PCDHB1: variants seen among roughly 807,000 people sequenced by gnomAD.
PCDHB1 encodes the protein protocadherin beta-1.
PCDHB1 carries 44 observed loss-of-function variants against 43.5 expected under a neutral mutation model. The observed-to-expected ratio is 1.01, with a 90% CI of 0.79 to 1.30. The LOEUF is 1.30. Among genes scored for constraint, PCDHB1 ranks in the 50% most tolerant of loss-of-function variants. The probability of loss-of-function intolerance (pLI) is 0.00; values close to 1 mark genes in which losing one functional copy is unlikely to be tolerated. For missense variants in PCDHB1, 919 were observed against 1,008.9 expected (o/e 0.91, Z 1.21); for synonymous variants, 392 against 400.8 (o/e 0.98, Z 0.26).
rs1751083894 is a variant in PCDHB1 at position 141,054,660 on chromosome 5, T to C, written c.*733T>C. 6.7e-6 allele frequency: 1 copy of C among 149,628 alleles called. No individual in the cohort carries two copies. Among genetic ancestry groups the C allele is most frequent in the African/African-American group, 2.4e-5 (1 of 40,896 alleles). The allele number at this position is 149,628 out of a possible 1,614,324, so 9.3% of individuals were successfully genotyped here. On this transcript the variant is annotated 3_prime_UTR_variant, in exon 1 of 1. Transcript: ENST00000306549. ...AAAGAGATTCAGTTTAGGAATGTTC[T>C]CCAAAATTAAATTAGATGTAGTTGT... is the stretch of plus-strand genomic sequence containing the variant.
rs1269181995 is a variant in PCDHB1 at position 141,055,841 on chromosome 5, A to C, written c.*1914A>C. On this transcript the variant is annotated 3_prime_UTR_variant, in exon 1 of 1. Coordinates refer to ENST00000306549, the MANE Select transcript of PCDHB1 (RefSeq NM_013340.4). ...AGCCCTCTCATTCTAAAATAAGCCAATGTTAAAACATTAACATATTTCAGG... is the reference window on the plus strand; with the variant it reads ...AGCCCTCTCATTCTAAAATAAGCCACTGTTAAAACATTAACATATTTCAGG... 3 of 152,244 alleles carry C rather than the reference A, an allele frequency of 2.0e-5. No homozygotes were observed. Among genetic ancestry groups the C allele is most frequent in the African/African-American group, 7.2e-5 (3 of 41,466 alleles). 9.4% of individuals were successfully genotyped at this position (152,244 alleles called of 1,614,324 possible). A position where few individuals can be genotyped will look rare whatever the true frequency, so the allele number is the denominator to read the frequency against.
Position 141,055,652 on chromosome 5 carries a change from AG to A in PCDHB1, c.*1726del, listed in dbSNP as rs1241227000. On this transcript the variant is annotated 3_prime_UTR_variant, in exon 1 of 1. Coordinates refer to ENST00000306549, the MANE Select transcript of PCDHB1 (RefSeq NM_013340.4). ...GAAAGACACATTTTCAGGTAGTACT[AG>A]ATTTGATTGTAAGCCATTTTCCTCT... 6.6e-6 allele frequency: 1 copy of A among 152,230 alleles called. No individual in the cohort carries two copies. Among genetic ancestry groups the A allele is most frequent in the African/African-American group, 2.4e-5 (1 of 41,462 alleles). The allele number at this position is 152,230 out of a possible 1,614,324, so 9.4% of individuals were successfully genotyped here. A position where few individuals can be genotyped will look rare whatever the true frequency, so the allele number is the denominator to read the frequency against.
At position 141,052,533 on chromosome 5, in the gene PCDHB1, C is replaced by T; in HGVS notation, c.1063C>T (p.Pro355Ser). ...PEVMVSSVSS[P>S]LPEDSPPQTV... ...AGTGATGGTCTCCTCTGTGTCCAGCCCACTCCCTGAAGACTCACCACCACA... is the reference window on the plus strand; with the variant it reads ...AGTGATGGTCTCCTCTGTGTCCAGCTCACTCCCTGAAGACTCACCACCACA... Residue 355 changes from proline (P) to serine (S), a missense_variant, in exon 1 of 1, where the codon CCA becomes TCA. Pro to Ser is a moderately conservative substitution (Grantham distance 74). Transcript: ENST00000306549. 6.2e-7 allele frequency: 1 copy of T among 1,614,076 alleles called. No homozygotes were observed. Among genetic ancestry groups the T allele is most frequent in the Non-Finnish European group, 8.5e-7 (1 of 1,180,004 alleles).
At position 141,052,471 on chromosome 5, in the gene PCDHB1, T is replaced by C. The variant is rs1751010563; in HGVS notation, c.1001T>C (p.Leu334Pro). 1 of 1,614,074 alleles carries C rather than the reference T, an allele frequency of 6.2e-7. No individual in the cohort carries two copies. Among genetic ancestry groups the C allele is most frequent in the South Asian group, 1.1e-5 (1 of 91,078 alleles). ...GGCCTCTCTGCCCACAGCAAAGTCC[T>C]GGTAGAAGTGGTGGATGTGAATGAC... ...GGGLSAHSKVLVEVVDVNDNP... is the reference protein window; with the variant it reads ...GGGLSAHSKVPVEVVDVNDNP... Residue 334 changes from leucine to proline, a missense_variant, in exon 1 of 1, where the codon CTG becomes CCG. By Grantham distance (98) the Leu-to-Pro change is moderately conservative. Transcript: ENST00000306549.
chr5:141,057,986 G>A lies in PCDHB1; in HGVS notation c.*4059G>A, dbSNP rs1751168623. ...CTTGAAAAGTGTCTTGTACAAAAAG[G>A]CTTTTTATTAGGAAATAATTCTAGA... On this transcript the variant is annotated 3_prime_UTR_variant, in exon 1 of 1. Transcript: ENST00000306549. The A allele has an allele frequency of 6.6e-6, 1 of 152,084 alleles. No homozygotes were observed. Among genetic ancestry groups the A allele is most frequent in the South Asian group, 2.1e-4 (1 of 4,812 alleles). 9.4% of individuals were successfully genotyped at this position (152,084 alleles called of 1,614,324 possible).
chr5:141,052,862 C>T lies in PCDHB1; in HGVS notation c.1392C>T (p.Asn464=), dbSNP rs1376289632. Residue 464 remains asparagine, a synonymous_variant, in exon 1 of 1, where the codon AAC becomes AAT. Coordinates refer to ENST00000306549, the MANE Select transcript of PCDHB1 (RefSeq NM_013340.4). The stretch of plus-strand genomic sequence containing the variant: ...CCTATATCTTGACTGTTCGAGAAAA[C>T]AACAGTCCTGCGGTTTTTATTGGCA... ...EDSYILTVRE[N]NSPAVFIGKV... is the part of the protein sequence containing the mutation. 6.2e-7 allele frequency: 1 copy of T among 1,614,050 alleles called. No homozygotes were observed. The highest frequency in any genetic ancestry group is 1.7e-5 in the Admixed American group (1 of 59,994).
Position 141,056,865 on chromosome 5 carries a change from C to A in PCDHB1, c.*2938C>A, listed in dbSNP as rs1554267879. The A allele has an allele frequency of 6.6e-6, 1 of 152,196 alleles. No individual in the cohort carries two copies. The highest frequency in any genetic ancestry group is 6.5e-5 in the Admixed American group (1 of 15,274). 9.4% of individuals were successfully genotyped at this position (152,196 alleles called of 1,614,324 possible). A position where few individuals can be genotyped will look rare whatever the true frequency, so the allele number is the denominator to read the frequency against. The stretch of plus-strand genomic sequence containing the variant: ...CGAGCTCCTGATCTCAGGTGATCCA[C>A]CCGCCTTGGCCTCCCAAAGTGCTAG... On this transcript the variant is annotated 3_prime_UTR_variant, in exon 1 of 1. Coordinates refer to ENST00000306549, the MANE Select transcript of PCDHB1 (RefSeq NM_013340.4).
chr5:141,053,747 A>T lies in PCDHB1; in HGVS notation c.2277A>T (p.Ser759=). The change falls in exon 1 of 1, where the codon TCA becomes TCT. Residue 759 remains serine (S), a synonymous_variant. Coordinates refer to ENST00000306549, the MANE Select transcript of PCDHB1 (RefSeq NM_013340.4). Reference sequence around the variant, plus strand: ...GGCCTTGTCCATATGAAATGTGTTCAGCCACTGGCACTGGTAATAGTGAGT... The same window carrying T: ...GGCCTTGTCCATATGAAATGTGTTCTGCCACTGGCACTGGTAATAGTGAGT... ...LSRPCPYEMC[S]ATGTGNSEFR... 6.2e-7 allele frequency: 1 copy of T among 1,614,236 alleles called. No homozygotes were observed. Among genetic ancestry groups the T allele is most frequent in the South Asian group, 1.1e-5 (1 of 91,088 alleles).
In PCDHB1 at chr5:141,053,111, T is replaced by A. The variant is rs1329367295; in HGVS notation, c.1641T>A (p.Thr547=). 4 of 1,614,114 alleles carry A rather than the reference T, an allele frequency of 2.5e-6. No homozygotes were observed. The African/African-American group carries it at 5.3e-5, about 22-fold the overall frequency. The part of the protein sequence containing the change: ...GGFLSLSSQV[T]VRVVVLDDND... Reference sequence around the variant, plus strand: ...TCCTGTCACTGAGTAGCCAAGTTACTGTCAGAGTGGTTGTCCTAGATGACA... The same window carrying A: ...TCCTGTCACTGAGTAGCCAAGTTACAGTCAGAGTGGTTGTCCTAGATGACA... Residue 547 remains threonine (T), a synonymous_variant, in exon 1 of 1, where the codon ACT becomes ACA. Transcript: ENST00000306549.
rs1341868507 is a variant in PCDHB1 at position 141,057,905 on chromosome 5, A to G, written c.*3978A>G. ...ATAATTAGGGCAATTACTCTCTCCA[A>G]AGTGTCAAGTGATATTATAACTATT... On this transcript the variant is annotated 3_prime_UTR_variant, in exon 1 of 1. Transcript: ENST00000306549. 1 of 152,216 alleles carries G rather than the reference A, an allele frequency of 6.6e-6. No homozygotes were observed. The highest frequency in any genetic ancestry group is 2.4e-5 in the African/African-American group (1 of 41,446). The allele number at this position is 152,216 out of a possible 1,614,324, so 9.4% of individuals were successfully genotyped here.
Position 141,052,092 on chromosome 5 carries a change from G to A in PCDHB1, c.622G>A (p.Val208Ile), listed in dbSNP as rs1285101986. 1.7e-5 allele frequency: 28 copies of A among 1,613,988 alleles called. No individual in the cohort carries two copies. The highest frequency in any genetic ancestry group is 2.3e-5 in the Non-Finnish European group (27 of 1,180,010). ...CCTGGACCGAGAGGAGCAGCCTGAA[G>A]TCAACTTGACAATTACGGCGGTGGA... ...KPLDREEQPE[V>I]NLTITAVDGG... Residue 208 changes from valine (V) to isoleucine (I), a missense_variant, in exon 1 of 1, where the codon GTC (valine) becomes ATC (isoleucine). Coordinates refer to ENST00000306549, the MANE Select transcript of PCDHB1 (RefSeq NM_013340.4).
chr5:141,053,844 G>A lies in PCDHB1; in HGVS notation c.2374G>A (p.Gly792Ser). The change falls in exon 1 of 1, where the codon GGC becomes AGC. Residue 792 changes from glycine (G) to serine (S), a missense_variant. Coordinates refer to ENST00000306549, the MANE Select transcript of PCDHB1 (RefSeq NM_013340.4). ...CACTGGGGAGATAAAAATGGAGGCT[G>A]GCTCCAGTTTGCCCCCAAATTCTGA... The part of the protein sequence containing the change: ...HATGEIKMEA[G>S]SSLPPNSDRN... The A allele has an allele frequency of 6.2e-7, 1 of 1,614,162 alleles. No homozygotes were observed. The highest frequency in any genetic ancestry group is 1.1e-5 in the South Asian group (1 of 91,084).
Position 141,053,226 on chromosome 5 carries a change from C to A in PCDHB1, c.1756C>A (p.Leu586Ile). 1 of 1,614,186 alleles carries A rather than the reference C, an allele frequency of 6.2e-7. No homozygotes were observed. The highest frequency in any genetic ancestry group is 8.5e-7 in the Non-Finnish European group (1 of 1,180,016). The change falls in exon 1 of 1, where the codon CTA (leucine) becomes ATA (isoleucine). Residue 586 changes from leucine to isoleucine, a missense_variant. Coordinates refer to ENST00000306549, the MANE Select transcript of PCDHB1 (RefSeq NM_013340.4). Reference sequence around the variant, plus strand: ...GCCCAGGTCTGCAGAGGCAGGCTACCTAGTGACCAAAGTGGTGGCTGTGGA... The same window carrying A: ...GCCCAGGTCTGCAGAGGCAGGCTACATAGTGACCAAAGTGGTGGCTGTGGA... ...LVPRSAEAGY[L>I]VTKVVAVDGD...
At position 141,051,403 on chromosome 5, in the gene PCDHB1, T is replaced by C; in HGVS notation, c.-68T>C. 3 of 1,544,398 alleles carry C rather than the reference T, an allele frequency of 1.9e-6. No homozygotes were observed. Among genetic ancestry groups the C allele is most frequent in the Non-Finnish European group, 2.7e-6 (3 of 1,129,178 alleles). On this transcript the variant is annotated 5_prime_UTR_variant, in exon 1 of 1. Transcript: ENST00000306549. ...GGAGAGCAGCTGTTGCAGTAACCTG[T>C]TGCAGAAAAGTGAAAGTATATCCGC... is the stretch of plus-strand genomic sequence containing the variant.
Position 141,052,299 on chromosome 5 carries a change from A to C in PCDHB1, c.829A>C (p.Ile277Leu). 6.2e-7 allele frequency: 1 copy of C among 1,614,256 alleles called. No homozygotes were observed. The highest frequency in any genetic ancestry group is 2.2e-5 in the East Asian group (1 of 44,886). The change falls in exon 1 of 1, where the codon ATA (isoleucine) becomes CTA (leucine). Residue 277 changes from isoleucine to leucine, a missense_variant. Transcript: ENST00000306549. ...VDLDEGTNKAITYSLAQNPEA... is the reference protein window; with the variant it reads ...VDLDEGTNKALTYSLAQNPEA... Reference sequence around the variant, plus strand: ...CCTAGACGAGGGCACCAACAAAGCGATAACTTACTCTTTAGCTCAAAACCC... The same window carrying C: ...CCTAGACGAGGGCACCAACAAAGCGCTAACTTACTCTTTAGCTCAAAACCC...
rs781944168 is a variant in PCDHB1, at chr5:141,052,157, C to T, written c.687C>T (p.His229=). The change falls in exon 1 of 1, where the codon CAC becomes CAT. Residue 229 remains histidine (H), a synonymous_variant. Coordinates refer to ENST00000306549, the MANE Select transcript of PCDHB1 (RefSeq NM_013340.4). The part of the protein sequence containing the change: ...SPPKSGTAHI[H]VVVLDVNDHV... Reference sequence around the variant, plus strand: ...CTAAGTCTGGCACAGCTCACATCCACGTGGTGGTTCTGGATGTCAACGACC... The same window carrying T: ...CTAAGTCTGGCACAGCTCACATCCATGTGGTGGTTCTGGATGTCAACGACC... 2.5e-6 allele frequency: 4 copies of T among 1,613,654 alleles called. No individual in the cohort carries two copies. The highest frequency in any genetic ancestry group is 2.7e-5 in the African/African-American group (2 of 74,912).
At position 141,053,950 on chromosome 5, in the gene PCDHB1, G is replaced by C; in HGVS notation, c.*23G>C. ...TAGCTCCTATTTACAGGCTCAGTGA[G>C]AGAAGAGAAGCAAAATTTTATACTT... On this transcript the variant is annotated 3_prime_UTR_variant, in exon 1 of 1. Coordinates refer to ENST00000306549, the MANE Select transcript of PCDHB1 (RefSeq NM_013340.4). The C allele has an allele frequency of 1.9e-6, 3 of 1,568,998 alleles. No homozygotes were observed. The highest frequency in any genetic ancestry group is 2.6e-6 in the Non-Finnish European group (3 of 1,158,424).
chr5:141,053,943 T>A lies in PCDHB1; in HGVS notation c.*16T>A. The A allele has an allele frequency of 6.3e-7, 1 of 1,581,656 alleles. No individual in the cohort carries two copies. The highest frequency in any genetic ancestry group is 1.9e-5 in the Admixed American group (1 of 52,962). On this transcript the variant is annotated 3_prime_UTR_variant, in exon 1 of 1. Transcript: ENST00000306549. Reference sequence around the variant, plus strand: ...CTATATGTAGCTCCTATTTACAGGCTCAGTGAGAGAAGAGAAGCAAAATTT... The same window carrying A: ...CTATATGTAGCTCCTATTTACAGGCACAGTGAGAGAAGAGAAGCAAAATTT...
rs199943049 is a variant in PCDHB1, at chr5:141,052,561, C to T, written c.1091C>T (p.Thr364Ile). The T allele has an allele frequency of 2.6e-4, 419 of 1,614,036 alleles. No individual in the cohort carries two copies. Among genetic ancestry groups the T allele is most frequent in the Non-Finnish European group, 3.5e-4 (412 of 1,180,026 alleles). ...CTCCCTGAAGACTCACCACCACAGACAGTAGTAGCCCTTTTCACTATCAGA... is the reference window on the plus strand; with the variant it reads ...CTCCCTGAAGACTCACCACCACAGATAGTAGTAGCCCTTTTCACTATCAGA... Reference protein sequence around the residue: ...SPLPEDSPPQTVVALFTIRDR... With the variant: ...SPLPEDSPPQIVVALFTIRDR... The change falls in exon 1 of 1, where the codon ACA (threonine) becomes ATA (isoleucine). Residue 364 changes from threonine (T) to isoleucine (I), a missense_variant. Thr to Ile is a moderately conservative substitution (Grantham distance 89, BLOSUM62 -1). Coordinates refer to ENST00000306549, the MANE Select transcript of PCDHB1 (RefSeq NM_013340.4).
Sources: gnomAD v4.1 joint callset for allele counts on GRCh38, gnomAD v4.1.1 for gene constraint, MANE v1.5 for transcripts, NCBI Gene and HGNC (gene_info 2026-07-23, HGNC 2026-07-21) for gene names.